CDC27: variants seen among roughly 807,000 people sequenced by gnomAD.
CDC27 encodes cell division cycle 27.
Under a neutral mutation model 109.7 loss-of-function variants are expected in CDC27, and 27 were observed. That is an observed-to-expected ratio of 0.25 (90% CI 0.18 to 0.34). The LOEUF (loss-of-function observed/expected upper bound fraction) is 0.34, where lower values mean the gene tolerates loss of function less well. Ranked by LOEUF, CDC27 falls within the 10% of genes least tolerant of loss-of-function variation. The pLI is 1.00. For synonymous variants in CDC27, 266 were observed against 333.9 expected, an observed-to-expected ratio of 0.80 and a Z score of 2.22; for missense variants, 579 against 960.2, an observed-to-expected ratio of 0.60 and a Z score of 5.25.
intron 4 of CDC27, among the ~76,000 whole-genome samples, chr17:47,162,460 C>A (rs1240348986): frequency 6.6e-6 from 1 of 152,146 alleles, no homozygotes; most frequent in African/African-American, 2.4e-5. Flanking sequence ...TTAGTCTTTG[C>A]CATTTTTATA....
intron 9 of CDC27, among the ~76,000 whole-genome samples, chr17:47,147,572 C>T (rs978680767): frequency 1.2e-4 from 18 of 152,002 alleles, no homozygotes; most frequent in African/African-American, 4.1e-4. Flanking sequence ...ACATCCTATA[C>T]GTTCAAAAAC....
intron 8 of CDC27, among the ~76,000 whole-genome samples, chr17:47,153,359 C>T (rs1174191125): frequency 1.3e-5 from 2 of 152,148 alleles, no homozygotes; most frequent in African/African-American, 4.8e-5. Context: ...CTAGTTTTGG[C>T]CTACTTCACC....
intron 1 of CDC27, among the ~76,000 whole-genome samples, chr17:47,185,199 G>C (rs904734991): frequency 6.6e-6 from 1 of 151,112 alleles, no homozygotes; most frequent in African/African-American, 2.4e-5. Flanking sequence ...TTTTTTTTGA[G>C]ACAGAGTCTC....
At chr17:47,165,612 G>A (rs530884287) in intron 4 of CDC27, among the ~76,000 whole-genome samples, 1 of 152,278 alleles carries the variant, frequency 6.6e-6, no homozygotes, top group African/African-American at 2.4e-5. Flanking sequence ...CTCCCAGGCT[G>A]TGACTTGTGT....
At chr17:47,173,401 C>T (rs2063876835) in intron 2 of CDC27, among the ~76,000 whole-genome samples, 1 of 151,650 alleles carries the variant, frequency 6.6e-6, no homozygotes, top group African/African-American at 2.4e-5. Flanking sequence ...GGGGCGCTCA[C>T]TGCAGTAGGA....
intron 3 of CDC27, among the ~76,000 whole-genome samples, chr17:47,171,527 C>T (rs2063812528): frequency 6.6e-6 from 1 of 152,152 alleles, no homozygotes; most frequent in Non-Finnish European, 1.5e-5. Flanking sequence ...AAAAGAAGTA[C>T]TCAATAAAAT....
Position 47,157,216 on chromosome 17 carries a change from T to C in CDC27, c.630+14A>G. On this transcript the variant is annotated intron_variant, in intron 6 of 18. Coordinates refer to ENST00000066544, the MANE Select transcript of CDC27 (RefSeq NM_001256.6). Reference sequence around the variant, plus strand: ...TTTCATAATATTTTGAACACTAGAATATAAGACACTTACAATTGTGTCCTG... The same window carrying C: ...TTTCATAATATTTTGAACACTAGAACATAAGACACTTACAATTGTGTCCTG... 6.9e-6 allele frequency: 11 copies of C among 1,602,706 alleles called. No homozygotes were observed. Among genetic ancestry groups the C allele is most frequent in the Non-Finnish European group, 9.4e-6 (11 of 1,173,214 alleles).
At chr17:47,121,800 C>T (rs545591095) in intron 18 of CDC27, among the ~76,000 whole-genome samples, 15 of 150,904 alleles carry the variant, frequency 9.9e-5, no homozygotes, top group Non-Finnish European at 2.1e-4. Flanking sequence ...AGTGCAATGG[C>T]GTGATTTCGG....
At chr17:47,163,945 G>A (rs1004186198) in intron 4 of CDC27, among the ~76,000 whole-genome samples, 18 of 152,120 alleles carry the variant, frequency 1.2e-4, no homozygotes, top group Admixed American at 5.2e-4. Context: ...TGTATTTTTA[G>A]TTGAGGTGGG....
In CDC27 at chr17:47,139,345, C is replaced by T. The variant is rs939632572; in HGVS notation, c.1552-454G>A. ...GCAGTGGCGCAATCTCGGCTCACTGCAAGCTCCGCCTCCCGAGTTCACGCC... is the reference window on the plus strand; with the variant it reads ...GCAGTGGCGCAATCTCGGCTCACTGTAAGCTCCGCCTCCCGAGTTCACGCC... On this transcript the variant is annotated intron_variant, in intron 12 of 18. Transcript: ENST00000066544. Among the ~76,000 whole-genome samples, 9 of 150,768 alleles carry T rather than the reference C, an allele frequency of 6.0e-5. No homozygotes were observed. In the East Asian group the frequency reaches 1.2e-3, roughly 20 times the overall value.
intron 14 of CDC27, among the ~76,000 whole-genome samples, chr17:47,133,110 T>TATATAC (rs2062437871): frequency 7.4e-4 from 1 of 1,348 alleles, no homozygotes; most frequent in Non-Finnish European, 2.5e-3. Context: ...AATATACATA[T>TATATAC]ATATATATAT....
chr17:47,130,941 T>G (rs1344822401), intron 15 of CDC27, among the ~76,000 whole-genome samples: 1 of 151,998 alleles, frequency 6.6e-6, no homozygotes, highest in Non-Finnish European at 1.5e-5. Flanking sequence ...GCTGCAGAAC[T>G]TTAACAAATA....
At chr17:47,148,197 T>TC (rs1169325104) in intron 9 of CDC27, among the ~76,000 whole-genome samples, 12 of 129,508 alleles carry the variant, frequency 9.3e-5, no homozygotes, top group Middle Eastern at 4.3e-3. Flanking sequence ...AGACTCTATC[T>TC]CAAAAAAAAA....
intron 4 of CDC27, among the ~76,000 whole-genome samples, chr17:47,166,326 G>T (rs898847181): frequency 6.6e-6 from 1 of 152,132 alleles, no homozygotes; most frequent in Non-Finnish European, 1.5e-5. Flanking sequence ...TTTCTTAGGT[G>T]AGTTTTGGTA....
intron 15 of CDC27, among the ~76,000 whole-genome samples, chr17:47,131,046 C>T (rs1280719124): frequency 6.6e-6 from 1 of 152,054 alleles, no homozygotes; most frequent in Non-Finnish European, 1.5e-5. Context: ...ATTCTGCCCA[C>T]AGGACTGAGA....
At chr17:47,124,111 T>C in intron 16 of CDC27, 151 bp from the exon 17 acceptor site, 1 of 555,320 alleles carries the variant, frequency 1.8e-6, no homozygotes, top group Non-Finnish European at 3.1e-6. Flanking sequence ...CTTATTGCTG[T>C]GAAAATAAAA....
At chr17:47,132,987 G>A (rs867633646) in intron 14 of CDC27, among the ~76,000 whole-genome samples, 4 of 48,626 alleles carry the variant, frequency 8.2e-5, no homozygotes, top group Non-Finnish European at 1.1e-4. Context: ...TTGCCCAGGC[G>A]CATATATATA....
chr17:47,142,279 G>T lies in CDC27; in HGVS notation c.1328C>A (p.Ser443Tyr). ...DSSIISEGKI[S>Y]TITPQIQAFN... ...GGCCTGAATCTGAGGTGTGATTGTGGATATTTTCCCTTCTGAAATGATGGA... is the reference window on the plus strand; with the variant it reads ...GGCCTGAATCTGAGGTGTGATTGTGTATATTTTCCCTTCTGAAATGATGGA... Residue 443 changes from serine (S) to tyrosine (Y), a missense_variant, in exon 11 of 19, where the codon TCC becomes TAC. By Grantham distance (144) the Ser-to-Tyr change is moderately radical. Around this residue, in one of 9 missense-constraint regions of CDC27, gnomAD observed 58 missense variants for 116.6 expected, o/e 0.50. Transcript: ENST00000066544. 2 of 1,606,182 alleles carry T rather than the reference G, an allele frequency of 1.2e-6. No individual in the cohort carries two copies. Among genetic ancestry groups the T allele is most frequent in the East Asian group, 2.2e-5 (1 of 44,722 alleles).
In CDC27 at chr17:47,120,801, A is replaced by G. The variant is rs2061963255; in HGVS notation, c.*134T>C. On this transcript the variant is annotated 3_prime_UTR_variant, in exon 19 of 19. Coordinates refer to ENST00000066544, the MANE Select transcript of CDC27 (RefSeq NM_001256.6). ...TTCTGTATACAGTCAGGGTCCAATG[A>G]AAGTGGCACACTCATGGTATAAGTG... 1.6e-6 allele frequency: 1 copy of G among 640,458 alleles called. No homozygotes were observed. The highest frequency in any genetic ancestry group is 2.8e-6 in the Non-Finnish European group (1 of 355,020). The allele number at this position is 640,458 out of a possible 1,614,324, so 39.7% of individuals were successfully genotyped here.
Sources: allele counts gnomAD v4.1 joint callset (sites outside exome capture counted in the v4.1 genomes callset), GRCh38; gene constraint gnomAD v4.1.1; regional missense constraint gnomAD v4.1.1; transcripts MANE v1.5; gene names NCBI Gene and HGNC (gene_info 2026-07-23, HGNC 2026-07-21).